RASGEF1C: variants seen among roughly 807,000 people sequenced by gnomAD.
The protein encoded by RASGEF1C is ras-GEF domain-containing family member 1C.
In RASGEF1C, 27 loss-of-function variants were observed where a neutral mutation model predicts 58.1. That is an observed-to-expected ratio of 0.46 (90% CI 0.34 to 0.64). The LOEUF (loss-of-function observed/expected upper bound fraction) is 0.64. Among genes scored for constraint, RASGEF1C ranks in the 30% least tolerant of loss-of-function variants. The pLI is 0.01. For synonymous variants in RASGEF1C, 243 were observed against 246.3 expected (o/e 0.99, Z 0.13); for missense variants, 502 against 605.1 (o/e 0.83, Z 1.79).
At chr5:180,139,401 T>G (rs1388313033) in intron 1 of RASGEF1C, among the ~76,000 whole-genome samples, 1 of 152,140 alleles carries the variant, frequency 6.6e-6, no homozygotes, top group African/African-American at 2.4e-5. Context: ...ATTTCTCCTT[T>G]GCAGCACTCT....
At chr5:180,189,527 T>C (rs1756105740) in intron 1 of RASGEF1C, among the ~76,000 whole-genome samples, 2 of 152,164 alleles carry the variant, frequency 1.3e-5, no homozygotes, top group Non-Finnish European at 2.9e-5. Context: ...TTGGCAAAGA[T>C]CAACTGAAAA....
At position 180,101,261 on chromosome 5, in the gene RASGEF1C, C is replaced by T. The variant is rs1365779994; in HGVS notation, c.*240G>A. On this transcript the variant is annotated 3_prime_UTR_variant, in exon 14 of 14. Transcript: ENST00000361132. ...CACGGTCCTGAAGGCAGGATGTCCC[C>T]AAGGCATGTGCCGCCCGCACGTCTG... The T allele has an allele frequency of 1.7e-6, 1 of 577,212 alleles. No individual in the cohort carries two copies. The highest frequency in any genetic ancestry group is 1.9e-5 in the African/African-American group (1 of 53,326). The allele number at this position is 577,212 out of a possible 1,614,324, so 35.8% of individuals were successfully genotyped here.
At chr5:180,173,892 AAC>A (rs1767164612) in intron 1 of RASGEF1C, among the ~76,000 whole-genome samples, 1 of 146,936 alleles carries the variant, frequency 6.8e-6, no homozygotes, top group Non-Finnish European at 1.5e-5. Flanking sequence ...CAGCCTGGGC[AAC>A]AGAGCGAGAC....
intron 4 of RASGEF1C, among the ~76,000 whole-genome samples, chr5:180,130,960 G>A (rs1319056718): frequency 1.3e-5 from 2 of 152,056 alleles, no homozygotes; most frequent in Admixed American, 6.6e-5. Context: ...AGACACACAG[G>A]CTTGGTGCCA....
chr5:180,208,756 G>C (rs1227969156), intron 1 of RASGEF1C, among the ~76,000 whole-genome samples: 1 of 152,052 alleles, frequency 6.6e-6, no homozygotes, highest in Admixed American at 6.5e-5. Flanking sequence ...TGCTCCTCGC[G>C]CCCAGCAGGG....
intron 13 of RASGEF1C, 98 bp from the exon 14 acceptor site, chr5:180,101,623 G>GGCTGGCTCTCCTC: frequency 2.1e-6 from 3 of 1,454,430 alleles, no homozygotes; most frequent in Non-Finnish European, 2.8e-6. Flanking sequence ...GCGCTGAGGA[G>GGCTGGCTCTCCTC]AGCCAGCCTC....
chr5:180,189,550 G>A (rs1020688930), intron 1 of RASGEF1C, among the ~76,000 whole-genome samples: 1 of 152,162 alleles, frequency 6.6e-6, no homozygotes, highest in Admixed American at 6.6e-5. Context: ...ACTAGAAATA[G>A]AGTCACAAAT....
chr5:180,145,836 G>T (rs1766654251), intron 1 of RASGEF1C, among the ~76,000 whole-genome samples: 1 of 152,174 alleles, frequency 6.6e-6, no homozygotes, highest in Non-Finnish European at 1.5e-5. Context: ...ACCTCTGCAG[G>T]GGCATGAGGC....
At chr5:180,106,860 G>C (rs1317689805) in intron 12 of RASGEF1C, among the ~76,000 whole-genome samples, 1 of 152,206 alleles carries the variant, frequency 6.6e-6, no homozygotes, top group African/African-American at 2.4e-5. Context: ...GTTCAGAGAA[G>C]GGTGTTGACA....
intron 1 of RASGEF1C, among the ~76,000 whole-genome samples, chr5:180,193,157 A>C (rs1282863205): frequency 1.5e-5 from 2 of 134,036 alleles, no homozygotes; most frequent in Non-Finnish European, 3.2e-5. Flanking sequence ...CCGGGTTCAC[A>C]CCATTCTCCT....
chr5:180,192,806 G>C (rs183207378), intron 1 of RASGEF1C, among the ~76,000 whole-genome samples: 1 of 150,410 alleles, frequency 6.6e-6, no homozygotes, highest in East Asian at 2.0e-4. Context: ...GTGCAGTGTC[G>C]CAATCTCGGC....
At chr5:180,205,389 AAAAC>A (rs1756469815) in intron 1 of RASGEF1C, among the ~76,000 whole-genome samples, 2 of 152,196 alleles carry the variant, frequency 1.3e-5, no homozygotes, top group Non-Finnish European at 2.9e-5. Flanking sequence ...AGAAATAGGA[AAAAC>A]ATATATGAGG....
At chr5:180,111,698 G>A in intron 11 of RASGEF1C, 118 bp from the exon 12 acceptor site, 2 of 1,085,200 alleles carry the variant, frequency 1.8e-6, no homozygotes, top group Non-Finnish European at 2.8e-6. Context: ...AGGGCTCTGA[G>A]GAGGAGCAGG....
chr5:180,120,058 G>A (rs1561733896), intron 7 of RASGEF1C, among the ~76,000 whole-genome samples: 2 of 152,144 alleles, frequency 1.3e-5, no homozygotes, highest in Non-Finnish European at 2.9e-5. Flanking sequence ...GCAGCCAGCG[G>A]CGTGAGGGTA....
chr5:180,148,605 C>G (rs1197977276), intron 1 of RASGEF1C, among the ~76,000 whole-genome samples: 2 of 152,192 alleles, frequency 1.3e-5, no homozygotes, highest in Non-Finnish European at 2.9e-5. Flanking sequence ...CATTCAAAAA[C>G]TCTGCTCCTA....
chr5:180,116,714 G>A (rs551046069), intron 10 of RASGEF1C, among the ~76,000 whole-genome samples: 36 of 152,350 alleles, frequency 2.4e-4, no homozygotes, highest in Admixed American at 1.6e-3. Context: ...AGTGCGGAGC[G>A]CCCAGGCCAT....
Position 180,117,260 on chromosome 5 carries a change from C to T in RASGEF1C, c.1083+1349G>A, listed in dbSNP as rs549060968. On this transcript the variant is annotated intron_variant, in intron 10 of 13. Coordinates refer to ENST00000361132, the MANE Select transcript of RASGEF1C (RefSeq NM_175062.4). Reference sequence around the variant, plus strand: ...GCCAGCTGGACAGGACAGAGCCATCCGTGTGGCCGGTGTCTGCCCCTTGGG... The same window carrying T: ...GCCAGCTGGACAGGACAGAGCCATCTGTGTGGCCGGTGTCTGCCCCTTGGG... Among the ~76,000 whole-genome samples, 54 of 152,346 alleles carry T rather than the reference C, an allele frequency of 3.5e-4. No individual in the cohort carries two copies. The South Asian group carries it at 6.4e-3, about 18-fold the overall frequency.
At chr5:180,207,894 C>T (rs1008054664) in intron 1 of RASGEF1C, among the ~76,000 whole-genome samples, 3 of 152,220 alleles carry the variant, frequency 2.0e-5, no homozygotes, top group African/African-American at 4.8e-5. Flanking sequence ...TCCCTCTGCC[C>T]CAGTCACCCT....
At chr5:180,146,574 G>T (rs569973363) in intron 1 of RASGEF1C, among the ~76,000 whole-genome samples, 1 of 151,862 alleles carries the variant, frequency 6.6e-6, no homozygotes, top group East Asian at 1.9e-4. Flanking sequence ...CAATTGAAAT[G>T]ATCATGTGTT....
Sources: allele counts gnomAD v4.1 joint callset (sites outside exome capture counted in the v4.1 genomes callset), GRCh38; gene constraint gnomAD v4.1.1; transcripts MANE v1.5; gene names NCBI Gene and HGNC (gene_info 2026-07-23, HGNC 2026-07-21).